The following CCNI variants were observed in gnomAD, a reference collection of about 807,000 sequenced individuals.
CCNI encodes the protein cyclin I.
Under a neutral mutation model 34.1 loss-of-function variants are expected in CCNI, and 14 were observed. The ratio of observed to expected loss-of-function variants is 0.41; its 90% CI spans 0.27 to 0.64. CCNI has a LOEUF of 0.64. Among genes scored for constraint, CCNI ranks in the 30% least tolerant of loss-of-function variants. The pLI is 0.31. For missense variants in CCNI, 385 were observed against 440.5 expected, an observed-to-expected ratio of 0.87 and a Z score of 1.13; for synonymous variants, 154 against 158.4, an observed-to-expected ratio of 0.97 and a Z score of 0.21.
At chr4:77,068,163 CA>C (rs1729191822) in intron 1 of CCNI, among the ~76,000 whole-genome samples, 1 of 151,944 alleles carries the variant, frequency 6.6e-6, no homozygotes, top group South Asian at 2.1e-4. Context: ...GGCGACAGAG[CA>C]AGACTCCGTC....
chr4:77,074,766 C>T (rs1283004872), intron 1 of CCNI: 1 of 152,222 alleles, frequency 6.6e-6, no homozygotes, highest in Non-Finnish European at 1.5e-5. Context: ...GTTCAAACCC[C>T]TTCAGAGTCT....
chr4:77,054,204 AT>A (rs1728054640), intron 6 of CCNI, among the ~76,000 whole-genome samples: 1 of 152,206 alleles, frequency 6.6e-6, no homozygotes, highest in South Asian at 2.1e-4. Context: ...AAAACACCAA[AT>A]TCAACTATTA....
At chr4:77,056,430 C>A in intron 3 of CCNI, 107 bp from the exon 4 acceptor site, 1 of 734,048 alleles carries the variant, frequency 1.4e-6, no homozygotes, top group Non-Finnish European at 2.4e-6. Flanking sequence ...CAGGTATACA[C>A]AAAATACTAT....
chr4:77,054,934 A>G (rs865815734), intron 6 of CCNI, among the ~76,000 whole-genome samples: 2 of 152,188 alleles, frequency 1.3e-5, no homozygotes, highest in African/African-American at 4.8e-5. Flanking sequence ...AAAATAAGAG[A>G]AATGGTTAAA....
chr4:77,070,067 GA>G (rs1261305124), intron 1 of CCNI, among the ~76,000 whole-genome samples: 1 of 146,166 alleles, frequency 6.8e-6, no homozygotes, highest in Non-Finnish European at 1.5e-5. Context: ...GCCCAGGCTA[GA>G]GTGTAGTGGC....
At chr4:77,058,288 GAC>G (rs762780743) in intron 3 of CCNI, among the ~76,000 whole-genome samples, 7 of 152,092 alleles carry the variant, frequency 4.6e-5, no homozygotes, top group Non-Finnish European at 1.0e-4. Flanking sequence ...CCAGGAGGCA[GAC>G]ACACTCCAGC....
intron 1 of CCNI, among the ~76,000 whole-genome samples, chr4:77,073,417 T>C (rs1177291294): frequency 2.6e-5 from 4 of 152,230 alleles, no homozygotes; most frequent in African/African-American, 7.2e-5. Flanking sequence ...CTAATATGTA[T>C]TATTGTATTT....
intron 2 of CCNI, among the ~76,000 whole-genome samples, chr4:77,062,324 T>C (rs956763828): frequency 6.6e-6 from 1 of 152,150 alleles, no homozygotes; most frequent in East Asian, 1.9e-4. Context: ...CCCAGTACTG[T>C]AGGGGGCCAA....
chr4:77,059,191 A>G (rs1465625467), intron 2 of CCNI, among the ~76,000 whole-genome samples: 2 of 152,144 alleles, frequency 1.3e-5, no homozygotes, highest in Admixed American at 6.5e-5. Context: ...AATCTGAAGT[A>G]AATTACTATT....
At chr4:77,066,460 A>G (rs1729045007) in intron 1 of CCNI, 55 bp from the exon 2 acceptor site, 1 of 1,368,128 alleles carries the variant, frequency 7.3e-7, no homozygotes, top group African/African-American at 1.5e-5. Context: ...AGCATTATAT[A>G]AAGTACTAAT....
intron 2 of CCNI, among the ~76,000 whole-genome samples, chr4:77,061,357 A>C (rs1057068261): frequency 6.6e-6 from 1 of 152,236 alleles, no homozygotes; most frequent in South Asian, 2.1e-4. Context: ...AAAAAGCCCA[A>C]AACAGTATTT....
At chr4:77,065,023 GACT>G (rs1728934620) in intron 2 of CCNI, 1 of 152,128 alleles carries the variant, frequency 6.6e-6, no homozygotes, top group African/African-American at 2.4e-5. Flanking sequence ...AGCAAATTGG[GACT>G]ACTGAGTACT....
Position 77,047,160 on chromosome 4 carries a change from G to A in CCNI, c.*1059C>T, listed in dbSNP as rs1157936136. On this transcript the variant is annotated 3_prime_UTR_variant, in exon 7 of 7. Transcript: ENST00000237654. The stretch of plus-strand genomic sequence containing the variant: ...AAAAGTCACAAAAACAAAAGTTAAG[G>A]ACAACTTTTTATTGCTACCAGAGGC... The A allele has an allele frequency of 2.6e-5, 4 of 152,122 alleles. No individual in the cohort carries two copies. Among genetic ancestry groups the A allele is most frequent in the Non-Finnish European group, 4.4e-5 (3 of 68,018 alleles). 9.4% of individuals were successfully genotyped at this position (152,122 alleles called of 1,614,324 possible).
At chr4:77,075,448 C>G in intron 1 of CCNI, 24 bp downstream of exon 1, 2 of 748,368 alleles carry the variant, frequency 2.7e-6, no homozygotes, top group Non-Finnish European at 3.2e-6. Flanking sequence ...GCGTCGAGCC[C>G]CCGCCCCCGC....
chr4:77,065,991 C>T (rs1166977415), intron 2 of CCNI, among the ~76,000 whole-genome samples: 1 of 152,174 alleles, frequency 6.6e-6, no homozygotes, highest in African/African-American at 2.4e-5. Context: ...GTCCCAGCTA[C>T]TCAGGAGGCT....
At position 77,055,875 on chromosome 4, in the gene CCNI, C is replaced by T. The variant is rs1728185735; in HGVS notation, c.459+87G>A. Reference sequence around the variant, plus strand: ...AGTTTTCTTTTTCCTATTTCCAGTACAAAATAAATGAGTAGGCAATCTATT... The same window carrying T: ...AGTTTTCTTTTTCCTATTTCCAGTATAAAATAAATGAGTAGGCAATCTATT... On this transcript the variant is annotated intron_variant, in intron 5 of 6. Transcript: ENST00000237654. 8.9e-6 allele frequency: 10 copies of T among 1,126,940 alleles called. No individual in the cohort carries two copies. In the South Asian group the frequency reaches 1.3e-4, roughly 14 times the overall value. The allele number at this position is 1,126,940 out of a possible 1,614,324, so 69.8% of individuals were successfully genotyped here.
At chr4:77,071,804 C>G (rs1195053865) in intron 1 of CCNI, among the ~76,000 whole-genome samples, 1 of 151,928 alleles carries the variant, frequency 6.6e-6, no homozygotes, top group African/African-American at 2.4e-5. Context: ...TAAAAAGCTG[C>G]ACTGGTGAGA....
chr4:77,058,659 C>T, intron 2 of CCNI, 24 bp from the exon 3 acceptor site: 1 of 1,604,542 alleles, frequency 6.2e-7, no homozygotes, highest in Non-Finnish European at 8.5e-7. Context: ...ATTTTGAAAA[C>T]AGAAGACAAA....
chr4:77,066,145 A>T, intron 2 of CCNI, 104 bp downstream of exon 2: 1 of 922,512 alleles, frequency 1.1e-6, no homozygotes, highest in Non-Finnish European at 1.7e-6. Context: ...GCACATCCTT[A>T]AATGGTACAC....
Sources: gnomAD v4.1 joint callset for allele counts (sites outside exome capture counted in the v4.1 genomes callset) on GRCh38, gnomAD v4.1.1 for gene constraint, MANE v1.5 for transcripts, NCBI Gene and HGNC (gene_info 2026-07-23, HGNC 2026-07-21) for gene names.